The following CLN5 variants were observed in gnomAD, a reference collection of about 807,000 sequenced individuals.
The protein encoded by CLN5 is bis(monoacylglycero)phosphate synthase CLN5.
Under a neutral mutation model 36.7 loss-of-function variants are expected in CLN5, and 34 were observed. The ratio of observed to expected loss-of-function variants is 0.93; its 90% CI spans 0.71 to 1.23. The LOEUF (loss-of-function observed/expected upper bound fraction) is 1.23, where lower values mean the gene tolerates loss of function less well. Among genes scored for constraint, CLN5 ranks in the 50% most tolerant of loss-of-function variants. CLN5 has a pLI of 0.00. For synonymous variants in CLN5, 151 were observed against 155.1 expected (o/e 0.97, Z 0.20); for missense variants, 427 against 439.4 (o/e 0.97, Z 0.25).
chr13:77,004,309 C>T lies in CLN5; in HGVS notation c.*3340C>T, dbSNP rs1177416305. On this transcript the variant is annotated 3_prime_UTR_variant, in exon 4 of 4. Transcript: ENST00000377453. ...TACAAAGAGTGATGTTCCAAAACTA[C>T]ACACATGCTTTTTCCCTGTTCACAA... 2 of 152,212 alleles carry T rather than the reference C, an allele frequency of 1.3e-5. No homozygotes were observed. The highest frequency in any genetic ancestry group is 4.8e-5 in the African/African-American group (2 of 41,438). 9.4% of individuals were successfully genotyped at this position (152,212 alleles called of 1,614,324 possible). A position where few individuals can be genotyped will look rare whatever the true frequency, so the allele number is the denominator to read the frequency against.
rs369122820 is a variant in CLN5 at position 76,995,933 on chromosome 13, G to A, written c.371G>A (p.Ser124Asn). 3.5e-5 allele frequency: 56 copies of A among 1,613,996 alleles called. No homozygotes were observed. The highest frequency in any genetic ancestry group is 2.3e-4 in the Admixed American group (14 of 60,002). Residue 124 changes from serine to asparagine, a missense_variant, in exon 3 of 4, where the codon AGT becomes AAT. Physicochemically the swap from Ser to Asn is conservative, Grantham distance 46. Transcript: ENST00000377453. ...KIMHDAIGFR[S>N]TLTGKNYTME... ...ATGCATGATGCCATTGGATTCAGAA[G>A]TACATTAACTGGCAAGAACTACACA... is the stretch of plus-strand genomic sequence containing the variant.
chr13:76,996,084 C>G lies in CLN5; in HGVS notation c.522C>G (p.His174Gln). 1 of 1,614,092 alleles carries G rather than the reference C, an allele frequency of 6.2e-7. No individual in the cohort carries two copies. Among genetic ancestry groups the G allele is most frequent in the Non-Finnish European group, 8.5e-7 (1 of 1,180,014 alleles). The change falls in exon 3 of 4, where the codon CAC becomes CAG. Residue 174 changes from histidine (H) to glutamine (Q), a missense_variant. His to Gln is a conservative substitution (Grantham distance 24). Transcript: ENST00000377453. ...TTTTTGAGGGAATTGATGATGTTCA[C>G]TGGAAGGAAAATGGGACATTAGTTC... Reference protein sequence around the residue: ...ACFFEGIDDVHWKENGTLVQV... With the variant: ...ACFFEGIDDVQWKENGTLVQV...
intron 3 of CLN5, chr13:76,996,654 T>G (rs58874544): frequency 0.037 from 6,398 of 170,806 alleles, 404 homozygotes; most frequent in African/African-American, 0.14. Flanking sequence ...CTGAGTAGTA[T>G]TATTCCTTGG....
intron 3 of CLN5, chr13:76,998,165 T>G (rs2154034950): frequency 6.6e-6 from 1 of 152,362 alleles, no homozygotes; most frequent in East Asian, 1.9e-4. Context: ...TCCCAAAATG[T>G]ATATGATCTT....
At position 76,992,125 on chromosome 13, in the gene CLN5, G is replaced by A. The variant is rs373102871; in HGVS notation, c.27G>A (p.Gln9=). 5.8e-5 allele frequency: 94 copies of A among 1,610,722 alleles called. No homozygotes were observed. The highest frequency in any genetic ancestry group is 1.7e-4 in the Middle Eastern group (1 of 5,802). ...TGGCGCAGGAGGTAGACACGGCACA[G>A]GGCGCCGAGATGCGGCGGGGCGCGG... MAQEVDTA[Q]GAEMRRGAGA... Residue 9 remains glutamine (Q), a synonymous_variant, in exon 1 of 4, where the codon CAG becomes CAA. Coordinates refer to ENST00000377453, the MANE Select transcript of CLN5 (RefSeq NM_006493.4).
rs1471280655 is a variant in CLN5 at position 77,000,558 on chromosome 13, A to G, written c.666A>G (p.Ala222=). Reference sequence around the variant, plus strand: ...TAAAAGCCAGCCCAGAAAAGGGGGCAGAGACATGGTTTGATTCCTACGACT... The same window carrying G: ...TAAAAGCCAGCCCAGAAAAGGGGGCGGAGACATGGTTTGATTCCTACGACT... ...WNVKASPEKG[A]ETWFDSYDCS... is the part of the protein sequence containing the mutation. Residue 222 remains alanine (A), a synonymous_variant, in exon 4 of 4, where the codon GCA becomes GCG. Coordinates refer to ENST00000377453, the MANE Select transcript of CLN5 (RefSeq NM_006493.4). 1.2e-6 allele frequency: 2 copies of G among 1,614,140 alleles called. No homozygotes were observed. The highest frequency in any genetic ancestry group is 4.5e-5 in the East Asian group (2 of 44,870).
chr13:77,000,403 A>G, intron 3 of CLN5, 55 bp from the exon 4 acceptor site: 1 of 1,480,588 alleles, frequency 6.8e-7, no homozygotes, highest in Non-Finnish European at 9.1e-7. Flanking sequence ...AAAAAAAAAA[A>G]TTAACATGAT....
At chr13:76,994,655 T>A in intron 1 of CLN5, 1 of 169,566 alleles carries the variant, frequency 5.9e-6, no homozygotes, top group South Asian at 1.5e-4. Flanking sequence ...CGTAAGTAAA[T>A]ATAAAATGTA....
At chr13:76,995,747 CCA>C in intron 2 of CLN5, 153 bp from the exon 3 acceptor site, 2 of 702,212 alleles carry the variant, frequency 2.8e-6, no homozygotes, top group Non-Finnish European at 5.1e-6. Context: ...GAGTTTGGGG[CCA>C]CAGAGTGGAT....
chr13:76,992,328 T>TGGGGTGGGGGTTGAGGTGGGGGGTG, intron 1 of CLN5, 57 bp downstream of exon 1: 1 of 709,808 alleles, frequency 1.4e-6, no homozygotes, highest in Non-Finnish European at 2.1e-6. Context: ...CGATGGGGGA[T>TGGGGTGGGGGTTGAGGTGGGGGGTG]GGGGTGCTGG....
rs1180567324 is a variant in CLN5, at chr13:77,001,088, A to G, written c.*119A>G. 6 of 843,490 alleles carry G rather than the reference A, an allele frequency of 7.1e-6. No individual in the cohort carries two copies. The South Asian group carries it at 9.3e-5, about 13-fold the overall frequency. The allele number at this position is 843,490 out of a possible 1,614,324, so 52.3% of individuals were successfully genotyped here. A position where few individuals can be genotyped will look rare whatever the true frequency, so the allele number is the denominator to read the frequency against. On this transcript the variant is annotated 3_prime_UTR_variant, in exon 4 of 4. Transcript: ENST00000377453. ...CTTGGTGCATAAAGTTAAAATGCACATCAGCAGAATTGCTGCATATTAACA... is the reference window on the plus strand; with the variant it reads ...CTTGGTGCATAAAGTTAAAATGCACGTCAGCAGAATTGCTGCATATTAACA...
Position 76,995,973 on chromosome 13 carries a change from A to G in CLN5, c.411A>G (p.Glu137=). The change falls in exon 3 of 4, where the codon GAA becomes GAG. Residue 137 remains glutamate, a synonymous_variant. Coordinates refer to ENST00000377453, the MANE Select transcript of CLN5 (RefSeq NM_006493.4). ...TGKNYTMEWY[E]LFQLGNCTFP... ...AGAACTACACAATGGAATGGTATGA[A>G]CTTTTCCAACTTGGCAACTGTACAT... 1 of 1,614,218 alleles carries G rather than the reference A, an allele frequency of 6.2e-7. No homozygotes were observed. Among genetic ancestry groups the G allele is most frequent in the African/African-American group, 1.3e-5 (1 of 75,060 alleles).
Position 77,000,764 on chromosome 13 carries a change from T to A in CLN5, c.872T>A (p.Phe291Tyr). The A allele has an allele frequency of 3.1e-6, 5 of 1,614,008 alleles. No homozygotes were observed. Among genetic ancestry groups the A allele is most frequent in the Non-Finnish European group, 4.2e-6 (5 of 1,179,976 alleles). The change falls in exon 4 of 4, where the codon TTT becomes TAT. Residue 291 changes from phenylalanine to tyrosine, a missense_variant. Transcript: ENST00000377453. Reference protein sequence around the residue: ...NKTLGLAIKRFYYPFKPHLPT... With the variant: ...NKTLGLAIKRYYYPFKPHLPT... ...ACTCTTGGTTTAGCCATAAAAAGAT[T>A]TTATTACCCCTTCAAACCACATTTG...
In CLN5 at chr13:77,003,139, T is replaced by G. The variant is rs1439528790; in HGVS notation, c.*2170T>G. 2 of 142,038 alleles carry G rather than the reference T, an allele frequency of 1.4e-5. No individual in the cohort carries two copies. The highest frequency in any genetic ancestry group is 3.0e-5 in the Non-Finnish European group (2 of 67,312). The allele number at this position is 142,038 out of a possible 1,614,324, so 8.8% of individuals were successfully genotyped here. On this transcript the variant is annotated 3_prime_UTR_variant, in exon 4 of 4. Coordinates refer to ENST00000377453, the MANE Select transcript of CLN5 (RefSeq NM_006493.4). ...GGCCAATGTGGTGAAACCCCGTTTC[T>G]CCTAAAATTAAAAAAAAAAAAAAAA... is the stretch of plus-strand genomic sequence containing the variant.
intron 3 of CLN5, chr13:76,996,963 T>C (rs988009029): frequency 6.6e-6 from 1 of 151,548 alleles, no homozygotes; most frequent in Non-Finnish European, 1.5e-5. Context: ...CCAATATCTA[T>C]TTTTTTTTAT....
rs745762281 is a variant in CLN5 at position 76,992,233 on chromosome 13, G to A, written c.135G>A (p.Ser45=). ...TGGTTCCGGGCTGGTCCCGGGTCTC[G>A]GGCATCCCCTCCCGGCGCCACTGGC... is the stretch of plus-strand genomic sequence containing the variant. ...LAVVPGWSRV[S]GIPSRRHWPV... is the part of the protein sequence containing the mutation. Residue 45 remains serine, a synonymous_variant, in exon 1 of 4, where the codon TCG becomes TCA. Transcript: ENST00000377453. 16 of 1,594,052 alleles carry A rather than the reference G, an allele frequency of 1.0e-5. No individual in the cohort carries two copies. The South Asian group carries it at 1.7e-4, about 17-fold the overall frequency.
At chr13:76,999,847 G>A (rs2034328332) in intron 3 of CLN5, 1 of 152,118 alleles carries the variant, frequency 6.6e-6, no homozygotes, top group Non-Finnish European at 1.5e-5. Context: ...ATTTCGCTTT[G>A]ACTATAGCTT....
intron 1 of CLN5, 104 bp from the exon 2 acceptor site, chr13:76,994,959 C>T (rs1465531080): frequency 3.0e-5 from 30 of 988,838 alleles, no homozygotes; most frequent in South Asian, 1.3e-4. Context: ...AACTATGGTC[C>T]GACCTTTGAA....
chr13:76,992,397 G>C, intron 1 of CLN5, 126 bp downstream of exon 1: 1 of 1,120,762 alleles, frequency 8.9e-7, no homozygotes, highest in Non-Finnish European at 1.2e-6. Flanking sequence ...CGGGGACAGC[G>C]CCGGGTGACG....
Sources: gnomAD v4.1 joint callset for allele counts on GRCh38, gnomAD v4.1.1 for gene constraint, MANE v1.5 for transcripts, NCBI Gene and HGNC (gene_info 2026-07-23, HGNC 2026-07-21) for gene names.